Variants in DLGAP2 observed in about 807,000 individuals in gnomAD.
DLGAP2 encodes the protein DLG associated protein 2.
In DLGAP2, 26 loss-of-function variants were observed where a neutral mutation model predicts 100.3. That is an observed-to-expected ratio of 0.26 (90% CI 0.19 to 0.36). The LOEUF is 0.36. Among genes scored for constraint, DLGAP2 ranks in the 10% least tolerant of loss-of-function variants. DLGAP2 has a pLI of 1.00. For synonymous variants in DLGAP2, 886 were observed against 630.1 expected (o/e 1.41, Z -6.08); for missense variants, 1,858 against 1,453.2 (o/e 1.28, Z -4.53).
At chr8:1,195,370 G>C (rs923107080) in intron 2 of DLGAP2, among the ~76,000 whole-genome samples, 20 of 152,232 alleles carry the variant, frequency 1.3e-4, no homozygotes, top group Non-Finnish European at 1.5e-5. Flanking sequence ...CGCAGCCACC[G>C]ACAGGTCAGA....
At chr8:765,768 T>C (rs1821195822) in intron 1 of DLGAP2, among the ~76,000 whole-genome samples, 1 of 152,162 alleles carries the variant, frequency 6.6e-6, no homozygotes, top group African/African-American at 2.4e-5. Context: ...GTGGCACATG[T>C]GTGTACACAC....
At chr8:824,644 G>C (rs1374268551) in intron 1 of DLGAP2, among the ~76,000 whole-genome samples, 4 of 151,886 alleles carry the variant, frequency 2.6e-5, no homozygotes, top group Non-Finnish European at 5.9e-5. Context: ...ACCTCCTGGT[G>C]GTTCCGCCTG....
At chr8:1,336,667 A>T (rs1264428008) in intron 3 of DLGAP2, among the ~76,000 whole-genome samples, 1 of 152,188 alleles carries the variant, frequency 6.6e-6, no homozygotes, top group Non-Finnish European at 1.5e-5. Context: ...GGGCCCCTCA[A>T]GGAACGTGTC....
intron 3 of DLGAP2, among the ~76,000 whole-genome samples, chr8:1,469,307 C>G (rs774240979): frequency 6.6e-6 from 1 of 152,234 alleles, no homozygotes; most frequent in South Asian, 2.1e-4. Flanking sequence ...GCATTCAGCT[C>G]TGAGCTGCTC....
At chr8:1,166,020 T>C (rs1797007501) in intron 2 of DLGAP2, among the ~76,000 whole-genome samples, 1 of 152,232 alleles carries the variant, frequency 6.6e-6, no homozygotes. Flanking sequence ...TTAAGAAAAC[T>C]GAATAATCTC....
At chr8:1,313,328 C>T (rs2117019013) in intron 3 of DLGAP2, among the ~76,000 whole-genome samples, 1 of 152,290 alleles carries the variant, frequency 6.6e-6, no homozygotes, top group South Asian at 2.1e-4. Flanking sequence ...TAAAACTTGA[C>T]ACTTAGAATA....
intron 6 of DLGAP2, among the ~76,000 whole-genome samples, chr8:1,625,525 C>T (rs891065742): frequency 6.6e-6 from 1 of 152,236 alleles, no homozygotes; most frequent in African/African-American, 2.4e-5. Context: ...TAGCCTACTC[C>T]TCCTATTATA....
intron 1 of DLGAP2, among the ~76,000 whole-genome samples, chr8:783,112 T>G (rs947953937): frequency 6.6e-6 from 1 of 152,248 alleles, no homozygotes; most frequent in African/African-American, 2.4e-5. Context: ...ACAGATAATG[T>G]GACCAACACA....
intron 1 of DLGAP2, among the ~76,000 whole-genome samples, chr8:748,316 G>T (rs924920426): frequency 6.6e-6 from 1 of 151,974 alleles, no homozygotes; most frequent in Non-Finnish European, 1.5e-5. Flanking sequence ...GGGACTCCGT[G>T]GTGGGATGGG....
At position 1,667,365 on chromosome 8, in the gene DLGAP2, C is replaced by T. The variant is rs143850378; in HGVS notation, c.1811-964C>T. Among the ~76,000 whole-genome samples, 428 of 152,190 alleles carry T rather than the reference C, an allele frequency of 2.8e-3. 3 individuals carry two copies. Among genetic ancestry groups the T allele is most frequent in the East Asian group, 0.022 (115 of 5,166 alleles). ...TTGGTGGCCTGTCCAGCTGTACAGC[C>T]GGTGGTACAGAATGCCCCATGCAAC... On this transcript the variant is annotated intron_variant, in intron 8 of 14. Transcript: ENST00000637795.
intron 2 of DLGAP2, among the ~76,000 whole-genome samples, chr8:1,030,898 C>T (rs373294187): frequency 1.7e-4 from 26 of 152,210 alleles, no homozygotes; most frequent in African/African-American, 6.0e-4. Flanking sequence ...ACCAGACCCC[C>T]GAGGTCAGTT....
chr8:1,251,804 G>A (rs762136766), intron 2 of DLGAP2, among the ~76,000 whole-genome samples: 9 of 152,188 alleles, frequency 5.9e-5, no homozygotes, highest in Non-Finnish European at 1.0e-4. Flanking sequence ...GTCACGTCAC[G>A]TCATCGCACT....
intron 2 of DLGAP2, among the ~76,000 whole-genome samples, chr8:961,600 A>G (rs1799727351): frequency 6.6e-6 from 1 of 152,200 alleles, no homozygotes; most frequent in African/African-American, 2.4e-5. Flanking sequence ...TCATTGAATG[A>G]TATTTTCCTT....
At chr8:1,264,573 C>T (rs73168492) in intron 3 of DLGAP2, among the ~76,000 whole-genome samples, 2,701 of 152,132 alleles carry the variant, frequency 0.018, 33 homozygotes, top group Non-Finnish European at 0.028. Flanking sequence ...GAAAGTTGTT[C>T]CAGAATCAGT....
At chr8:1,414,135 T>A (rs1796812285) in intron 3 of DLGAP2, among the ~76,000 whole-genome samples, 1 of 152,168 alleles carries the variant, frequency 6.6e-6, no homozygotes, top group Admixed American at 6.5e-5. Context: ...GTTGAGAAAG[T>A]GAAGTGTTCA....
At chr8:800,645 T>C (rs1442354994) in intron 1 of DLGAP2, among the ~76,000 whole-genome samples, 1 of 152,124 alleles carries the variant, frequency 6.6e-6, no homozygotes, top group East Asian at 1.9e-4. Flanking sequence ...TGCATGTCTA[T>C]GTGTGCACAT....
At chr8:1,385,830 C>G (rs1282164926) in intron 3 of DLGAP2, among the ~76,000 whole-genome samples, 2 of 152,078 alleles carry the variant, frequency 1.3e-5, no homozygotes, top group Admixed American at 1.3e-4. Flanking sequence ...CACAGTTACC[C>G]CGGCCTATGC....
intron 3 of DLGAP2, among the ~76,000 whole-genome samples, chr8:1,348,573 A>C (rs1355554814): frequency 1.3e-5 from 2 of 150,700 alleles, no homozygotes; most frequent in Non-Finnish European, 3.0e-5. Flanking sequence ...AGCTATGTGG[A>C]GGTTGAGTTC....
intron 3 of DLGAP2, among the ~76,000 whole-genome samples, chr8:1,463,770 G>A (rs2130165331): frequency 6.6e-6 from 1 of 152,380 alleles, no homozygotes; most frequent in East Asian, 1.9e-4. Context: ...GATGGGCCTG[G>A]AGCACGGGGT....
Sources: allele counts gnomAD v4.1 joint callset (sites outside exome capture counted in the v4.1 genomes callset), GRCh38; gene constraint gnomAD v4.1.1; transcripts MANE v1.5; gene names NCBI Gene and HGNC (gene_info 2026-07-23, HGNC 2026-07-21).